The following ST18 variants were observed in gnomAD, a reference collection of about 807,000 sequenced individuals.
ST18 encodes the protein ST18 C2H2C-type zinc finger transcription factor.
ST18 carries 50 observed loss-of-function variants against 110.0 expected under a neutral mutation model. The observed-to-expected ratio is 0.45, with a 90% CI of 0.36 to 0.58. The LOEUF (loss-of-function observed/expected upper bound fraction) is 0.58, where lower values mean the gene tolerates loss of function less well. Ranked by LOEUF, ST18 falls within the 20% of genes least tolerant of loss-of-function variation. The probability of loss-of-function intolerance (pLI) is 0.00; values close to 1 mark genes in which losing one functional copy is unlikely to be tolerated. For synonymous variants in ST18, 461 were observed against 452.4 expected, an observed-to-expected ratio of 1.02 and a Z score of -0.24; for missense variants, 1,306 against 1,280.1, an observed-to-expected ratio of 1.02 and a Z score of -0.31.
intron 5 of ST18, among the ~76,000 whole-genome samples, chr8:52,219,478 A>T (rs1301967542): frequency 6.6e-6 from 1 of 152,158 alleles, no homozygotes; most frequent in Admixed American, 6.5e-5. Flanking sequence ...TTATTTGCAC[A>T]CTATTCTTGA....
intron 17 of ST18, among the ~76,000 whole-genome samples, chr8:52,139,271 A>G (rs1395546646): frequency 5.3e-5 from 8 of 152,012 alleles, no homozygotes; most frequent in African/African-American, 1.9e-4. Context: ...ATTGCCTGGG[A>G]ATTCCCACTT....
At chr8:52,177,303 T>C (rs1167099633) in intron 9 of ST18, among the ~76,000 whole-genome samples, 2 of 152,238 alleles carry the variant, frequency 1.3e-5, no homozygotes, top group Non-Finnish European at 2.9e-5. Context: ...GTTGAGGATA[T>C]GGATGAAGTC....
At chr8:52,157,069 T>C (rs1048335138) in intron 15 of ST18, among the ~76,000 whole-genome samples, 1 of 152,172 alleles carries the variant, frequency 6.6e-6, no homozygotes, top group Non-Finnish European at 1.5e-5. Flanking sequence ...TGGCACAGAG[T>C]GCTCCCGCCA....
At chr8:52,290,687 T>A (rs2095542595) in intron 2 of ST18, among the ~76,000 whole-genome samples, 2 of 152,074 alleles carry the variant, frequency 1.3e-5, no homozygotes, top group South Asian at 4.1e-4. Flanking sequence ...TCCAGTTATC[T>A]CCTTTTAGCC....
rs1171252935 is a variant in ST18 at position 52,111,029 on chromosome 8, T to G, written c.*2169A>C. On this transcript the variant is annotated 3_prime_UTR_variant, in exon 26 of 26. Transcript: ENST00000689386. ...CAATTTACAGTATTGATCATTAACATAGTTGAAAAGAAAACAAATTCAGTG... is the reference window on the plus strand; with the variant it reads ...CAATTTACAGTATTGATCATTAACAGAGTTGAAAAGAAAACAAATTCAGTG... The G allele has an allele frequency of 2.5e-6, 1 of 398,614 alleles. No individual in the cohort carries two copies. Among genetic ancestry groups the G allele is most frequent in the Non-Finnish European group, 4.4e-6 (1 of 225,928 alleles). The allele number at this position is 398,614 out of a possible 1,614,324, so 24.7% of individuals were successfully genotyped here.
At chr8:52,134,356 A>C (rs1045885041) in intron 19 of ST18, among the ~76,000 whole-genome samples, 4 of 152,220 alleles carry the variant, frequency 2.6e-5, no homozygotes, top group South Asian at 2.1e-4. Context: ...TAAATATAAA[A>C]TTTTACGCAG....
chr8:52,330,641 G>A lies in ST18; in HGVS notation c.-465+78687C>T, dbSNP rs138688408. Among the ~76,000 whole-genome samples the A allele has an allele frequency of 1.2e-4, 19 of 152,332 alleles. 1 individual carries two copies. The East Asian group carries it at 3.3e-3, about 26-fold the overall frequency. The stretch of plus-strand genomic sequence containing the variant: ...TATGCTGATACAGTACAGCTTCCAC[G>A]CATTATGACATCACATCCAACATGT... On this transcript the variant is annotated intron_variant, in intron 2 of 25. Coordinates refer to ENST00000689386, the MANE Select transcript of ST18 (RefSeq NM_001352837.2).
intron 2 of ST18, among the ~76,000 whole-genome samples, chr8:52,270,700 A>G (rs1337861875): frequency 6.6e-6 from 1 of 152,128 alleles, no homozygotes. Context: ...AAGAAAAAAA[A>G]GTAGGTAAGT....
chr8:52,201,125 C>G (rs1278762770), intron 8 of ST18: 1 of 152,430 alleles, frequency 6.6e-6, no homozygotes, highest in African/African-American at 2.4e-5. Context: ...TGAGAAGATG[C>G]AGTCTGAGAG....
chr8:52,180,431 T>C lies in ST18; in HGVS notation c.87-119A>G. On this transcript the variant is annotated intron_variant, in intron 8 of 25. Coordinates refer to ENST00000689386, the MANE Select transcript of ST18 (RefSeq NM_001352837.2). ...AAACTTGGGACTAGAGGTTTAGGGT[T>C]GGTTACTGGCACTAACAAAAACATC... 2.8e-6 allele frequency: 3 copies of C among 1,088,442 alleles called. No homozygotes were observed. The East Asian group carries it at 7.3e-5, about 26-fold the overall frequency. The allele number at this position is 1,088,442 out of a possible 1,614,324, so 67.4% of individuals were successfully genotyped here.
intron 17 of ST18, among the ~76,000 whole-genome samples, 155 bp downstream of exon 17, chr8:52,142,775 C>T (rs2055682625): frequency 6.6e-6 from 1 of 152,212 alleles, no homozygotes; most frequent in Non-Finnish European, 1.5e-5. Flanking sequence ...TGTACACCCT[C>T]TTAGCTCAGG....
intron 2 of ST18, chr8:52,404,870 C>CA (rs1167405692): frequency 6.6e-6 from 1 of 152,010 alleles, no homozygotes; most frequent in Non-Finnish European, 1.5e-5. Flanking sequence ...CAGATGCTTC[C>CA]AAGTACTCAA....
chr8:52,334,760 G>A (rs1811262056), intron 2 of ST18, among the ~76,000 whole-genome samples: 2 of 152,068 alleles, frequency 1.3e-5, no homozygotes, highest in South Asian at 2.1e-4. Flanking sequence ...TCCATTGGCT[G>A]TTATGGTTCC....
At chr8:52,249,952 T>C (rs1409140124) in intron 2 of ST18, among the ~76,000 whole-genome samples, 1 of 151,996 alleles carries the variant, frequency 6.6e-6, no homozygotes, top group Non-Finnish European at 1.5e-5. Context: ...AGTTTCTCCT[T>C]CCTCCTTCCT....
chr8:52,133,202 G>A, intron 20 of ST18, 37 bp downstream of exon 20: 5 of 1,614,116 alleles, frequency 3.1e-6, no homozygotes, highest in South Asian at 1.1e-5. Flanking sequence ...CTGCCGACAA[G>A]CTCATTTCCA....
intron 2 of ST18, among the ~76,000 whole-genome samples, chr8:52,244,868 A>T (rs1323210741): frequency 1.3e-5 from 2 of 152,210 alleles, no homozygotes; most frequent in African/African-American, 4.8e-5. Flanking sequence ...TAGTAAGCAG[A>T]TGCAACAGAA....
chr8:52,147,310 A>T (rs764192247), intron 16 of ST18, among the ~76,000 whole-genome samples: 37 of 152,346 alleles, frequency 2.4e-4, no homozygotes, highest in South Asian at 4.1e-4. Context: ...AAGATTAAAA[A>T]GTAACATAAA....
rs201755417 is a variant in ST18, at chr8:52,214,299, T to C, written c.1-42A>G. On this transcript the variant is annotated intron_variant, in intron 6 of 25. Transcript: ENST00000689386. ...AAGTCCTGAGGTCATTCCTTTGACA[T>C]TGACCAAAATATGAAAACATGTAAT... The C allele has an allele frequency of 2.2e-5, 35 of 1,598,858 alleles. No individual in the cohort carries two copies. In the African/African-American group the frequency reaches 4.7e-4, roughly 21 times the overall value.
chr8:52,244,478 CAG>C (rs1447990610), intron 2 of ST18, among the ~76,000 whole-genome samples: 2 of 152,092 alleles, frequency 1.3e-5, no homozygotes, highest in African/African-American at 4.8e-5. Context: ...AATGAAATGA[CAG>C]AGCTATAATC....
Sources: allele counts gnomAD v4.1 joint callset (sites outside exome capture counted in the v4.1 genomes callset), GRCh38; gene constraint gnomAD v4.1.1; transcripts MANE v1.5; gene names NCBI Gene and HGNC (gene_info 2026-07-23, HGNC 2026-07-21).